Variants in ZNF782 observed in about 807,000 individuals in gnomAD.
ZNF782 encodes the protein zinc finger protein 782.
Under a neutral mutation model 13.0 loss-of-function variants are expected in ZNF782, and 12 were observed. The ratio of observed to expected loss-of-function variants is 0.92; its 90% CI spans 0.59 to 1.50. The LOEUF is 1.50. Among genes scored for constraint, ZNF782 ranks in the 40% most tolerant of loss-of-function variants. The pLI, the probability that ZNF782 is intolerant of heterozygous loss-of-function variation, is 0.00. For missense variants in ZNF782, 770 were observed against 822.9 expected (o/e 0.94, Z 0.79); for synonymous variants, 284 against 283.0 (o/e 1.00, Z -0.04).
chr9:96,892,027 C>T, the ZNF782 span: 2 of 152,080 alleles, frequency 1.3e-5, no homozygotes, highest in Non-Finnish European at 2.9e-5. Context: ...AATCTGCTGC[C>T]CATGGTTGGG....
In ZNF782 at chr9:96,817,857, T is replaced by C. The variant is rs1223002689; in HGVS notation, c.*66A>G. 22 of 1,386,076 alleles carry C rather than the reference T, an allele frequency of 1.6e-5. No homozygotes were observed. In the East Asian group the frequency reaches 5.1e-4, roughly 32 times the overall value. 85.9% of individuals were successfully genotyped at this position (1,386,076 alleles called of 1,614,324 possible). The stretch of plus-strand genomic sequence containing the variant: ...ATGTTAACAGTTCTCTCCTGTGTGT[T>C]CATTTATGTATTGTGAGGTTTGATT... On this transcript the variant is annotated 3_prime_UTR_variant, in exon 6 of 6. Transcript: ENST00000481138.
chr9:96,881,094 G>T, the ZNF782 span, among the ~76,000 whole-genome samples: 11 of 152,004 alleles, frequency 7.2e-5, no homozygotes, highest in Non-Finnish European at 1.2e-4. Flanking sequence ...TTTAATGTCT[G>T]TAGGTTCTAT....
intron 2 of ZNF782, among the ~76,000 whole-genome samples, 163 bp from the exon 3 acceptor site, chr9:96,852,168 G>C (rs529733047): frequency 1.0e-4 from 15 of 149,026 alleles, no homozygotes; most frequent in African/African-American, 3.7e-4. Context: ...AGGTGGCACT[G>C]TCTACGACAA....
intron 4 of ZNF782, among the ~76,000 whole-genome samples, chr9:96,834,383 T>C (rs1028194824): frequency 6.6e-6 from 1 of 152,224 alleles, no homozygotes; most frequent in Non-Finnish European, 1.5e-5. Context: ...TATGTGAAAC[T>C]GTGAGTCAAT....
the ZNF782 span, among the ~76,000 whole-genome samples, chr9:96,927,002 T>TG: frequency 6.6e-6 from 1 of 152,182 alleles, no homozygotes; most frequent in East Asian, 1.9e-4. Flanking sequence ...TCATCTCCTT[T>TG]GGCCAGTTTC....
At chr9:96,933,038 C>T in the ZNF782 span, among the ~76,000 whole-genome samples, 4 of 144,600 alleles carry the variant, frequency 2.8e-5, no homozygotes, top group Non-Finnish European at 6.0e-5. Flanking sequence ...AGAGCAGTGG[C>T]GTGATCTCGG....
chr9:96,822,563 G>C (rs1374472730), intron 5 of ZNF782, among the ~76,000 whole-genome samples: 1 of 152,068 alleles, frequency 6.6e-6, no homozygotes, highest in Non-Finnish European at 1.5e-5. Flanking sequence ...TTCGAATTGA[G>C]ACTATTTTAT....
At chr9:96,931,827 C>G in the ZNF782 span, 3 of 1,612,294 alleles carry the variant, frequency 1.9e-6, no homozygotes, top group Non-Finnish European at 2.5e-6. Context: ...ACACACAGGC[C>G]GCCCCTCGTG....
At chr9:96,851,859 A>G in intron 3 of ZNF782, 88 bp downstream of exon 3, 2 of 1,284,716 alleles carry the variant, frequency 1.6e-6, no homozygotes, top group Non-Finnish European at 2.3e-6. Context: ...TTACTTATCT[A>G]TTTCTCCTTT....
rs200425653 is a variant in ZNF782 at position 96,864,131 on chromosome 9, T to TTA, written c.-456-2530_-456-2529dup. Among the ~76,000 whole-genome samples the TTA allele has an allele frequency of 3.4e-4, 50 of 148,362 alleles. No homozygotes were observed. In the East Asian group the frequency reaches 7.6e-3, roughly 23 times the overall value. Reference sequence around the variant, plus strand: ...TATATAAAACGTATATATATATATTTTATATATATATACACATTTAATTCA... The same window carrying TTA: ...TATATAAAACGTATATATATATATTTTATATATATATATACACATTTAATTCA... On this transcript the variant is annotated intron_variant, in intron 1 of 5. Transcript: ENST00000498811.
chr9:96,836,824 A>G (rs1437713711), intron 4 of ZNF782, among the ~76,000 whole-genome samples: 3 of 152,112 alleles, frequency 2.0e-5, no homozygotes, highest in African/African-American at 7.2e-5. Context: ...TCATAGGAAT[A>G]GATTATTTCT....
intron 5 of ZNF782, among the ~76,000 whole-genome samples, chr9:96,821,181 C>T (rs189526826): frequency 4.6e-5 from 7 of 152,266 alleles, no homozygotes; most frequent in Admixed American, 4.6e-4. Flanking sequence ...GCCTTAGTGC[C>T]CTAACAGATA....
At chr9:96,901,190 T>C in the ZNF782 span, among the ~76,000 whole-genome samples, 50 of 151,928 alleles carry the variant, frequency 3.3e-4, no homozygotes, top group African/African-American at 1.2e-3. Flanking sequence ...ATGGCTATGT[T>C]ACAGTTTTGA....
In ZNF782 at chr9:96,818,161, T is replaced by C. The variant is rs768633216; in HGVS notation, c.1862A>G (p.Asn621Ser). The change falls in exon 6 of 6, where the codon AAT (asparagine) becomes AGT (serine). Residue 621 changes from asparagine to serine, a missense_variant. By Grantham distance (46) the Asn-to-Ser change is conservative. Transcript: ENST00000481138. ...CTCACTGAAAGCTTTTCCACATTCATTACATTCATAGGGCTTCTCCCCAGT... is the reference window on the plus strand; with the variant it reads ...CTCACTGAAAGCTTTTCCACATTCACTACATTCATAGGGCTTCTCCCCAGT... ...THTGEKPYEC[N>S]ECGKAFSEKS... The C allele has an allele frequency of 3.1e-6, 5 of 1,614,016 alleles. No homozygotes were observed. The East Asian group carries it at 1.1e-4, about 36-fold the overall frequency.
the ZNF782 span, among the ~76,000 whole-genome samples, chr9:96,926,347 C>T: frequency 5.7e-3 from 850 of 148,342 alleles, no homozygotes; most frequent in African/African-American, 0.02. Flanking sequence ...TAAAAGATCG[C>T]GTCCTCAGAA....
the ZNF782 span, among the ~76,000 whole-genome samples, chr9:96,912,744 G>T: frequency 6.6e-6 from 1 of 151,056 alleles, no homozygotes; most frequent in Non-Finnish European, 1.5e-5. Flanking sequence ...GGCCAGGCTG[G>T]TCTCAAACTC....
At chr9:96,883,927 G>A in the ZNF782 span, among the ~76,000 whole-genome samples, 2 of 152,280 alleles carry the variant, frequency 1.3e-5, no homozygotes, top group East Asian at 3.9e-4. Flanking sequence ...AATAGGCACA[G>A]ACAATGAAAC....
At chr9:96,931,180 G>T in the ZNF782 span, among the ~76,000 whole-genome samples, 1 of 152,088 alleles carries the variant, frequency 6.6e-6, no homozygotes, top group African/African-American at 2.4e-5. Context: ...GAACCAGCAT[G>T]CCCGGCCTAT....
upstream of ZNF782, among the ~76,000 whole-genome samples, chr9:96,876,757 A>G (rs1382209911): frequency 6.6e-6 from 1 of 151,974 alleles, no homozygotes; most frequent in Non-Finnish European, 1.5e-5. Flanking sequence ...TGTAATCCCA[A>G]CACTTTGGGA....
Sources: gnomAD v4.1 joint callset for allele counts (sites outside exome capture counted in the v4.1 genomes callset) on GRCh38, gnomAD v4.1.1 for gene constraint, MANE v1.5 for transcripts, NCBI Gene and HGNC (gene_info 2026-07-23, HGNC 2026-07-21) for gene names.